SGCD: variants seen among roughly 807,000 people sequenced by gnomAD.
SGCD encodes the protein delta-sarcoglycan.
In SGCD, 18 loss-of-function variants were observed where a neutral mutation model predicts 36.6. The ratio of observed to expected loss-of-function variants is 0.49; its 90% CI spans 0.34 to 0.73. The LOEUF (loss-of-function observed/expected upper bound fraction) is 0.73, where lower values mean the gene tolerates loss of function less well. Ranked by LOEUF, SGCD falls within the 30% of genes least tolerant of loss-of-function variation. The pLI is 0.01. For missense variants in SGCD, 387 were observed against 346.7 expected (o/e 1.12, Z -0.92); for synonymous variants, 133 against 130.6 (o/e 1.02, Z -0.12).
intron 3 of SGCD, among the ~76,000 whole-genome samples, chr5:156,124,711 G>C (rs1190021079): frequency 2.0e-5 from 3 of 151,988 alleles, no homozygotes; most frequent in African/African-American, 7.3e-5. Context: ...GCGCACATGT[G>C]TATATGCATA....
chr5:155,875,240 C>T (rs1210762628), intron 1 of SGCD, among the ~76,000 whole-genome samples: 1 of 152,038 alleles, frequency 6.6e-6, no homozygotes, highest in Non-Finnish European at 1.5e-5. Flanking sequence ...CAGTGGTTGC[C>T]TAGGTTGGAA....
chr5:156,444,339 C>T (rs759275546), intron 3 of SGCD, among the ~76,000 whole-genome samples: 4 of 152,024 alleles, frequency 2.6e-5, no homozygotes, highest in Non-Finnish European at 4.4e-5. Flanking sequence ...CAAAACCCTA[C>T]ACAAAAAATA....
At chr5:156,694,207 G>A (rs953454214) in intron 7 of SGCD, among the ~76,000 whole-genome samples, 1 of 152,200 alleles carries the variant, frequency 6.6e-6, no homozygotes, top group African/African-American at 2.4e-5. Flanking sequence ...CTAAACTGCA[G>A]AACTCACCTT....
intron 3 of SGCD, among the ~76,000 whole-genome samples, chr5:156,228,419 A>G (rs937477035): frequency 9.9e-5 from 15 of 152,110 alleles, no homozygotes; most frequent in African/African-American, 2.4e-4. Context: ...TTAAACTGCT[A>G]TTGATTTAAA....
intron 6 of SGCD, among the ~76,000 whole-genome samples, chr5:156,644,669 A>T (rs1763161883): frequency 1.3e-5 from 2 of 152,032 alleles, no homozygotes; most frequent in Non-Finnish European, 2.9e-5. Flanking sequence ...AAGATTGTAC[A>T]CCTCATAAAA....
intron 1 of SGCD, among the ~76,000 whole-genome samples, chr5:155,899,209 G>A (rs1430614057): frequency 6.6e-6 from 1 of 152,112 alleles, no homozygotes; most frequent in Admixed American, 6.6e-5. Context: ...GCTCCTGTTG[G>A]TAACCCCAAA....
chr5:156,567,540 T>C (rs1759546079), intron 4 of SGCD, among the ~76,000 whole-genome samples: 1 of 152,206 alleles, frequency 6.6e-6, no homozygotes, highest in South Asian at 2.1e-4. Context: ...AAAGGCCATC[T>C]GCTGAGGAGT....
intron 3 of SGCD, among the ~76,000 whole-genome samples, chr5:156,394,673 A>G (rs574372658): frequency 4.1e-4 from 63 of 152,196 alleles, no homozygotes; most frequent in Non-Finnish European, 8.2e-4. Context: ...ATTTTCTTTG[A>G]CGTAAGTGTC....
intron 4 of SGCD, among the ~76,000 whole-genome samples, chr5:156,518,239 G>C (rs938055179): frequency 6.6e-6 from 1 of 152,090 alleles, no homozygotes; most frequent in Non-Finnish European, 1.5e-5. Context: ...TTAAAAAGAT[G>C]AAGGGCATTA....
chr5:156,617,509 TGG>T (rs1247883241), intron 6 of SGCD, among the ~76,000 whole-genome samples: 1 of 152,156 alleles, frequency 6.6e-6, no homozygotes, highest in Non-Finnish European at 1.5e-5. Context: ...ATGGCAGATT[TGG>T]GATTGGAGAT....
At chr5:156,401,403 A>G (rs1056117878) in intron 3 of SGCD, among the ~76,000 whole-genome samples, 5 of 152,226 alleles carry the variant, frequency 3.3e-5, no homozygotes, top group Admixed American at 2.6e-4. Context: ...TCATTCAACA[A>G]GGTAGGTAGA....
intron 3 of SGCD, among the ~76,000 whole-genome samples, chr5:156,507,134 G>A (rs560588571): frequency 2.8e-3 from 422 of 152,234 alleles, no homozygotes; most frequent in Non-Finnish European, 4.8e-3. Flanking sequence ...ACATGGAAAA[G>A]GGCAATTGAG....
chr5:156,757,973 C>T (rs1172450625), intron 8 of SGCD: 2 of 1,244,148 alleles, frequency 1.6e-6, no homozygotes, highest in South Asian at 3.8e-5. Flanking sequence ...ATGCTATTTT[C>T]AAATTCTCTC....
intron 4 of SGCD, among the ~76,000 whole-genome samples, chr5:156,575,609 T>A (rs185433886): frequency 6.6e-6 from 1 of 152,130 alleles, no homozygotes; most frequent in Non-Finnish European, 1.5e-5. Flanking sequence ...CTATTGAGAG[T>A]CCACCAGATG....
At chr5:155,871,707 T>G (rs184485221) in intron 1 of SGCD, among the ~76,000 whole-genome samples, 106 of 152,102 alleles carry the variant, frequency 7.0e-4, no homozygotes, top group Non-Finnish European at 1.3e-3. Context: ...GAATTGAGCA[T>G]TGGGTAGGTA....
At chr5:156,035,421 C>T (rs903426823) in intron 1 of SGCD, among the ~76,000 whole-genome samples, 4 of 151,990 alleles carry the variant, frequency 2.6e-5, no homozygotes, top group South Asian at 2.1e-4. Context: ...GCATGGGCAA[C>T]GTAGCGAAAC....
At chr5:155,784,648 T>TTTC in the SGCD span, among the ~76,000 whole-genome samples, 2 of 150,974 alleles carry the variant, frequency 1.3e-5, no homozygotes, top group Non-Finnish European at 3.0e-5. Flanking sequence ...TCCTTTTTTT[T>TTTC]TTTTTTTTCC....
At position 156,589,191 on chromosome 5, in the gene SGCD, T is replaced by A. The variant is rs74571343; in HGVS notation, c.295-40T>A. On this transcript the variant is annotated intron_variant, in intron 4 of 8. Transcript: ENST00000337851. ...AATGACAGTTCTTTTTGTTTAGAAATCTATCATTTTCATGTCTTTCTCTTA... is the reference window on the plus strand; with the variant it reads ...AATGACAGTTCTTTTTGTTTAGAAAACTATCATTTTCATGTCTTTCTCTTA... 0.01 allele frequency: 14,084 copies of A among 1,386,146 alleles called. 665 individuals carry two copies. In the East Asian group the frequency reaches 0.16, roughly 16 times the overall value. 85.9% of individuals were successfully genotyped at this position (1,386,146 alleles called of 1,614,324 possible). A position where few individuals can be genotyped will look rare whatever the true frequency, so the allele number is the denominator to read the frequency against.
At chr5:156,317,358 C>T (rs1767545820) in intron 3 of SGCD, among the ~76,000 whole-genome samples, 1 of 152,074 alleles carries the variant, frequency 6.6e-6, no homozygotes, top group African/African-American at 2.4e-5. Context: ...CAGAGGAGAA[C>T]TCAGGGATAA....
Sources: gnomAD v4.1 joint callset for allele counts (sites outside exome capture counted in the v4.1 genomes callset) on GRCh38, gnomAD v4.1.1 for gene constraint, MANE v1.5 for transcripts, NCBI Gene and HGNC (gene_info 2026-07-23, HGNC 2026-07-21) for gene names.